SYNPR: variants seen among roughly 807,000 people sequenced by gnomAD.
The protein encoded by SYNPR is synaptoporin.
A neutral mutation model predicts 32.9 loss-of-function variants in SYNPR; 23 were observed. The ratio of observed to expected loss-of-function variants is 0.70; its 90% CI spans 0.50 to 0.99. The LOEUF is 0.99. SYNPR is among the 50% of genes least tolerant of loss of function. The probability of loss-of-function intolerance (pLI) is 0.00; values close to 1 mark genes in which losing one functional copy is unlikely to be tolerated. For missense variants in SYNPR, 318 were observed against 349.3 expected (o/e 0.91, Z 0.71); for synonymous variants, 146 against 135.9 (o/e 1.07, Z -0.52).
exon 1 of SYNPR, chr3:63,228,332 T>C (rs1022765120): frequency 6.6e-6 from 1 of 152,172 alleles, no homozygotes; most frequent in Non-Finnish European, 1.5e-5. Context: ...TTCAGTGGCC[T>C]TGGAGAAGGA....
chr3:63,270,886 TCCTTCCTTCC>T (rs1459650314), intron 3 of SYNPR, among the ~76,000 whole-genome samples: 10 of 88,614 alleles, frequency 1.1e-4, no homozygotes, highest in African/African-American at 3.7e-4. Context: ...CTTCCTTCCT[TCCTTCCTTCC>T]TTTTCTTTCC....
rs1575593519 is a variant in SYNPR at position 63,309,342 on chromosome 3, T to C, written c.84+30600T>C. ...GATCAATTTCAATTGATTCTTCTCC[T>C]CATTGTGGGTTGTATTTTCCTGTGT... On this transcript the variant is annotated intron_variant, in intron 2 of 5. Transcript: ENST00000478300. Among the ~76,000 whole-genome samples, 3 of 152,024 alleles carry C rather than the reference T, an allele frequency of 2.0e-5. No homozygotes were observed. In the East Asian group the frequency reaches 5.8e-4, roughly 30 times the overall value.
intron 4 of SYNPR, among the ~76,000 whole-genome samples, chr3:63,571,143 G>T (rs1258897297): frequency 2.6e-5 from 4 of 152,092 alleles, no homozygotes; most frequent in Non-Finnish European, 5.9e-5. Flanking sequence ...ATTTTAAAAT[G>T]GTGGAGTCTA....
intron 2 of SYNPR, among the ~76,000 whole-genome samples, chr3:63,421,698 G>A (rs189239910): frequency 4.6e-5 from 7 of 152,286 alleles, no homozygotes. Flanking sequence ...ACTCTGCTCA[G>A]ACTGAAATCA....
intron 2 of SYNPR, among the ~76,000 whole-genome samples, chr3:63,416,578 C>T (rs1458330245): frequency 2.0e-5 from 3 of 148,140 alleles, no homozygotes; most frequent in South Asian, 4.3e-4. Flanking sequence ...GAAGTTATTG[C>T]TATGCTCCTC....
intron 3 of SYNPR, among the ~76,000 whole-genome samples, chr3:63,508,558 A>G (rs151221193): frequency 5.3e-5 from 8 of 152,250 alleles, no homozygotes; most frequent in East Asian, 3.9e-4. Flanking sequence ...GCAAAGACCA[A>G]TGTGGAAAGA....
intron 4 of SYNPR, among the ~76,000 whole-genome samples, chr3:63,570,428 C>T (rs1238774578): frequency 6.6e-6 from 1 of 152,202 alleles, no homozygotes; most frequent in East Asian, 1.9e-4. Flanking sequence ...ACATGCTCTT[C>T]AGAGCTATCT....
chr3:63,593,951 G>A (rs1394078372), intron 4 of SYNPR, among the ~76,000 whole-genome samples: 2 of 152,088 alleles, frequency 1.3e-5, no homozygotes, highest in African/African-American at 4.8e-5. Flanking sequence ...ATAATAAAGT[G>A]TAAACAGACG....
the SYNPR span, among the ~76,000 whole-genome samples, chr3:63,209,897 C>T: frequency 6.6e-6 from 1 of 152,166 alleles, no homozygotes; most frequent in Non-Finnish European, 1.5e-5. Context: ...AGGTGTTGGT[C>T]TTGCTCAGTG....
At chr3:63,250,867 C>T (rs1193815196) in intron 1 of SYNPR, among the ~76,000 whole-genome samples, 6 of 152,050 alleles carry the variant, frequency 3.9e-5, no homozygotes, top group African/African-American at 1.4e-4. Context: ...ATCCTATGGA[C>T]CCATTAAATT....
intron 2 of SYNPR, among the ~76,000 whole-genome samples, chr3:63,286,348 A>G (rs1350559558): frequency 6.6e-6 from 1 of 152,152 alleles, no homozygotes; most frequent in Non-Finnish European, 1.5e-5. Flanking sequence ...TCCATAGACA[A>G]TTTCGTACAC....
intron 4 of SYNPR, among the ~76,000 whole-genome samples, chr3:63,569,458 C>T (rs1702848677): frequency 6.6e-6 from 1 of 152,172 alleles, no homozygotes; most frequent in Admixed American, 6.6e-5. Flanking sequence ...AAAAGACCTA[C>T]AAAGATAATT....
At chr3:63,246,990 T>A (rs1285598717) in intron 1 of SYNPR, among the ~76,000 whole-genome samples, 2 of 152,054 alleles carry the variant, frequency 1.3e-5, no homozygotes, top group East Asian at 3.9e-4. Context: ...GATGGGATGA[T>A]CTGTGCAGCA....
At chr3:63,546,006 A>G (rs918360449) in intron 3 of SYNPR, among the ~76,000 whole-genome samples, 8 of 152,148 alleles carry the variant, frequency 5.3e-5, no homozygotes, top group African/African-American at 1.9e-4. Context: ...ACTTTTTAAA[A>G]ACCAACTCTA....
At chr3:63,435,473 T>C (rs964717432) in intron 2 of SYNPR, among the ~76,000 whole-genome samples, 12 of 152,208 alleles carry the variant, frequency 7.9e-5, no homozygotes, top group Non-Finnish European at 1.8e-4. Context: ...TCATTTAAGA[T>C]CTAAAACATT....
At chr3:63,525,278 A>G (rs1701991224) in intron 3 of SYNPR, among the ~76,000 whole-genome samples, 1 of 152,132 alleles carries the variant, frequency 6.6e-6, no homozygotes, top group African/African-American at 2.4e-5. Context: ...GCTTCCCTTC[A>G]AACAGTGGTT....
At chr3:63,262,007 C>T (rs746860954) in intron 2 of SYNPR, among the ~76,000 whole-genome samples, 8 of 127,268 alleles carry the variant, frequency 6.3e-5, no homozygotes, top group Non-Finnish European at 1.2e-4. Flanking sequence ...TGCACATGTA[C>T]CCTAAAACTT....
At chr3:63,517,099 G>T (rs1021096068) in intron 3 of SYNPR, among the ~76,000 whole-genome samples, 12 of 152,094 alleles carry the variant, frequency 7.9e-5, no homozygotes, top group Non-Finnish European at 1.6e-4. Flanking sequence ...TTCTTAAGGA[G>T]AATTCTGAAA....
chr3:63,534,047 C>T (rs138988930), intron 3 of SYNPR, among the ~76,000 whole-genome samples: 7 of 152,244 alleles, frequency 4.6e-5, no homozygotes, highest in Admixed American at 2.6e-4. Flanking sequence ...ACCCTAGAAA[C>T]TTGTATTTAA....
Sources: allele counts gnomAD v4.1 joint callset (sites outside exome capture counted in the v4.1 genomes callset), GRCh38; gene constraint gnomAD v4.1.1; transcripts MANE v1.5; gene names NCBI Gene and HGNC (gene_info 2026-07-23, HGNC 2026-07-21).